Variants in MAPK8 observed in about 807,000 individuals in gnomAD.
MAPK8 encodes JUN N-terminal kinase.
A neutral mutation model predicts 52.9 loss-of-function variants in MAPK8; 13 were observed. That is an observed-to-expected ratio of 0.25 (90% CI 0.16 to 0.39). The LOEUF (loss-of-function observed/expected upper bound fraction) is 0.39. Among genes scored for constraint, MAPK8 ranks in the 10% least tolerant of loss-of-function variants. The pLI, the probability that MAPK8 is intolerant of heterozygous loss-of-function variation, is 1.00. For missense variants in MAPK8, 300 were observed against 519.2 expected, an observed-to-expected ratio of 0.58 and a Z score of 4.10; for synonymous variants, 191 against 169.8, an observed-to-expected ratio of 1.12 and a Z score of -0.97.
chr10:48,405,244 G>T (rs548467162), intron 3 of MAPK8, among the ~76,000 whole-genome samples: 1 of 151,956 alleles, frequency 6.6e-6, no homozygotes, highest in African/African-American at 2.4e-5. Context: ...AAAGATAAGC[G>T]TTTGAGAAGA....
intron 11 of MAPK8, among the ~76,000 whole-genome samples, chr10:48,432,015 T>C (rs1766782947): frequency 6.6e-6 from 1 of 152,214 alleles, no homozygotes; most frequent in Non-Finnish European, 1.5e-5. Context: ...CCAAATCTAT[T>C]ATGTAGATGA....
At chr10:48,361,239 T>C (rs2132530508) in intron 1 of MAPK8, among the ~76,000 whole-genome samples, 1 of 152,274 alleles carries the variant, frequency 6.6e-6, no homozygotes, top group Non-Finnish European at 1.5e-5. Flanking sequence ...ATTAATAGGG[T>C]CTCCAAATTA....
At position 48,431,195 on chromosome 10, in the gene MAPK8, T is replaced by C. The variant is rs1354748570; in HGVS notation, c.1063T>C (p.Leu355=). 3 of 1,596,672 alleles carry C rather than the reference T, an allele frequency of 1.9e-6. No individual in the cohort carries two copies. The highest frequency in any genetic ancestry group is 1.7e-5 in the Admixed American group (1 of 59,960). ...ATTTTTGTTTACTTCTTTTACAGAA[T>C]TGATATATAAGGAAGTTATGGACTT... ...REHTIEEWKE[L]IYKEVMDLEE... The change falls in exon 11 of 12, where the codon TTG becomes CTG. Residue 355 remains leucine, a splice_region_variant and synonymous_variant. Transcript: ENST00000374189.
chr10:48,358,231 A>G (rs138947508), intron 1 of MAPK8, among the ~76,000 whole-genome samples: 1,783 of 152,312 alleles, frequency 0.012, 20 homozygotes, highest in Non-Finnish European at 0.017. Context: ...TTTTTGAGGT[A>G]CCCAGCAAAC....
intron 2 of MAPK8, among the ~76,000 whole-genome samples, chr10:48,404,557 T>A (rs1236315663): frequency 6.6e-6 from 1 of 152,200 alleles, no homozygotes; most frequent in Non-Finnish European, 1.5e-5. Context: ...TATGGATTTG[T>A]ACATTGAGTG....
chr10:48,370,766 T>C (rs1280629570), intron 1 of MAPK8, among the ~76,000 whole-genome samples: 1 of 152,066 alleles, frequency 6.6e-6, no homozygotes, highest in Non-Finnish European at 1.5e-5. Context: ...AAAAGTTAGA[T>C]TTTTACTGTT....
chr10:48,334,759 G>A (rs1454775952), intron 1 of MAPK8, among the ~76,000 whole-genome samples: 1 of 152,050 alleles, frequency 6.6e-6, no homozygotes, highest in African/African-American at 2.4e-5. Context: ...CCCAAATAAT[G>A]GACTCGGAGA....
chr10:48,427,362 C>T (rs1467710396), intron 10 of MAPK8: 2 of 435,948 alleles, frequency 4.6e-6, no homozygotes, highest in South Asian at 2.5e-5. Context: ...CATTAGTGCT[C>T]TGTCTCATAT....
chr10:48,362,897 C>T (rs1052390340), intron 1 of MAPK8, among the ~76,000 whole-genome samples: 4 of 151,888 alleles, frequency 2.6e-5, no homozygotes, highest in African/African-American at 4.8e-5. Flanking sequence ...CCTGCCACCA[C>T]GCCCAGCTGA....
chr10:48,324,521 A>C (rs1225427914), intron 1 of MAPK8, among the ~76,000 whole-genome samples: 1 of 36,828 alleles, frequency 2.7e-5, no homozygotes, highest in Non-Finnish European at 4.5e-5. Context: ...TTTTTTTTTT[A>C]CACTCATGAT....
intron 5 of MAPK8, among the ~76,000 whole-genome samples, chr10:48,417,760 C>A (rs1333723866): frequency 6.6e-6 from 1 of 152,204 alleles, no homozygotes; most frequent in Non-Finnish European, 1.5e-5. Context: ...GCAGAACAAT[C>A]TACCATACTT....
At chr10:48,316,300 C>A (rs10776593) in intron 1 of MAPK8, among the ~76,000 whole-genome samples, 126,229 of 152,208 alleles carry the variant, frequency 0.83, 52,863 homozygotes, top group African/African-American at 0.96. Flanking sequence ...GTACAGTAAC[C>A]TGCTGTACAG....
chr10:48,327,857 TTG>T (rs1420906936), intron 1 of MAPK8, among the ~76,000 whole-genome samples: 1 of 152,200 alleles, frequency 6.6e-6, no homozygotes, highest in African/African-American at 2.4e-5. Context: ...CTTTGGTAGA[TTG>T]TGTCTTTCAC....
intron 1 of MAPK8, among the ~76,000 whole-genome samples, chr10:48,338,718 C>G (rs1358426862): frequency 6.6e-6 from 1 of 152,046 alleles, no homozygotes; most frequent in Non-Finnish European, 1.5e-5. Context: ...AGAAACAACT[C>G]CAGTAAAGTT....
rs367599489 is a variant in MAPK8 at position 48,434,935 on chromosome 10, A to G, written c.1190A>G (p.Asn397Ser). 31 of 1,607,482 alleles carry G rather than the reference A, an allele frequency of 1.9e-5. No individual in the cohort carries two copies. Among genetic ancestry groups the G allele is most frequent in the South Asian group, 6.6e-5 (6 of 90,882 alleles). The change falls in exon 12 of 12, where the codon AAT becomes AGT. Residue 397 changes from asparagine to serine, a missense_variant. Physicochemically the swap from Asn to Ser is conservative, Grantham distance 46 (BLOSUM62 1). Transcript: ENST00000374189. ...CATCCATCATCATCGTCGTCTGTCAATGATGTGTCTTCAATGTCAACAGAT... is the reference window on the plus strand; with the variant it reads ...CATCCATCATCATCGTCGTCTGTCAGTGATGTGTCTTCAATGTCAACAGAT... ...SQHPSSSSSVNDVSSMSTDPT... is the reference protein window; with the variant it reads ...SQHPSSSSSVSDVSSMSTDPT...
intron 1 of MAPK8, among the ~76,000 whole-genome samples, chr10:48,324,919 T>C (rs1355931081): frequency 6.6e-6 from 1 of 152,184 alleles, no homozygotes; most frequent in African/African-American, 2.4e-5. Context: ...CTTGGTGAGC[T>C]TTGAATCAGT....
In MAPK8 at chr10:48,390,902, C is replaced by T. The variant is rs74578098; in HGVS notation, c.-49-10710C>T. Among the ~76,000 whole-genome samples, 98 of 152,270 alleles carry T rather than the reference C, an allele frequency of 6.4e-4. 1 individual carries two copies. The East Asian group carries it at 0.017, about 27-fold the overall frequency. ...AAATCTGAAAATGTAGGAGATGCAG[C>T]TATTGTCCTCAGAAAGACCATAGTC... On this transcript the variant is annotated intron_variant, in intron 1 of 11. Transcript: ENST00000374189.
chr10:48,410,314 A>T (rs532261342), intron 5 of MAPK8, 146 bp downstream of exon 5: 3 of 559,778 alleles, frequency 5.4e-6, no homozygotes, highest in African/African-American at 1.9e-5. Context: ...AAATATTTTC[A>T]TTACCCCCAA....
chr10:48,310,711 G>A (rs747977234), intron 1 of MAPK8, among the ~76,000 whole-genome samples: 9 of 151,494 alleles, frequency 5.9e-5, no homozygotes, highest in Non-Finnish European at 1.3e-4. Context: ...AAATTTCACT[G>A]AAATCCAGTT....
Sources: gnomAD v4.1 joint callset for allele counts (sites outside exome capture counted in the v4.1 genomes callset) on GRCh38, gnomAD v4.1.1 for gene constraint, MANE v1.5 for transcripts, NCBI Gene and HGNC (gene_info 2026-07-23, HGNC 2026-07-21) for gene names.